HAAO: variants seen among roughly 807,000 people sequenced by gnomAD.
HAAO encodes the protein 3-hydroxyanthranilate 3,4-dioxygenase, also known as 3-hydroxyanthranilate oxygenase.
In HAAO, 49 loss-of-function variants were observed where a neutral mutation model predicts 46.2. The ratio of observed to expected loss-of-function variants is 1.06; its 90% CI spans 0.84 to 1.34. The LOEUF (loss-of-function observed/expected upper bound fraction) is 1.34, where lower values mean the gene tolerates loss of function less well. Among genes scored for constraint, HAAO ranks in the 40% most tolerant of loss-of-function variants. The pLI, the probability that HAAO is intolerant of heterozygous loss-of-function variation, is 0.00. For missense variants in HAAO, 408 were observed against 364.5 expected (o/e 1.12, Z -0.97); for synonymous variants, 157 against 145.2 (o/e 1.08, Z -0.58).
intron 4 of HAAO, among the ~76,000 whole-genome samples, chr2:42,775,440 A>T (rs1275626684): frequency 6.6e-6 from 1 of 152,152 alleles, no homozygotes; most frequent in African/African-American, 2.4e-5. Flanking sequence ...ATTTTTTTCC[A>T]GCTGAAATAC....
chr2:42,772,202 C>A (rs910949354), intron 4 of HAAO, among the ~76,000 whole-genome samples: 1 of 152,072 alleles, frequency 6.6e-6, no homozygotes, highest in African/African-American at 2.4e-5. Flanking sequence ...AATACTCGGC[C>A]GAATGTGGTG....
chr2:42,782,987 C>G (rs1286697869), intron 4 of HAAO: 1 of 438,682 alleles, frequency 2.3e-6, no homozygotes, highest in East Asian at 5.3e-5. Context: ...CTTGGCAAAA[C>G]AAACTTTTAA....
rs13413507 is a variant in HAAO, at chr2:42,769,679, G to A, written c.630+34C>T. 0.12 allele frequency: 191,220 copies of A among 1,568,890 alleles called. 12,465 individuals carry two copies. Among genetic ancestry groups the A allele is most frequent in the South Asian group, 0.16 (13,073 of 84,302 alleles). ...GTTCCCATTTTCCAGGGCTGCTGTGGGAGGATGCCCCGGATGCCCCAGGAC... is the reference window on the plus strand; with the variant it reads ...GTTCCCATTTTCCAGGGCTGCTGTGAGAGGATGCCCCGGATGCCCCAGGAC... On this transcript the variant is annotated intron_variant, in intron 7 of 9. Transcript: ENST00000294973.
intron 2 of HAAO, among the ~76,000 whole-genome samples, chr2:42,785,603 T>C (rs1672324109): frequency 6.6e-6 from 1 of 152,064 alleles, no homozygotes; most frequent in Admixed American, 6.5e-5. Flanking sequence ...TGTGGAGGCT[T>C]ATGCCTGTAA....
At chr2:42,779,243 C>CT (rs998727475) in intron 4 of HAAO, among the ~76,000 whole-genome samples, 9 of 152,102 alleles carry the variant, frequency 5.9e-5, no homozygotes, top group Non-Finnish European at 1.2e-4. Context: ...TAACTGACTC[C>CT]TAAATATAGG....
At chr2:42,770,272 C>A in intron 5 of HAAO, 86 bp from the exon 6 acceptor site, 1 of 1,132,694 alleles carries the variant, frequency 8.8e-7, no homozygotes, top group South Asian at 1.3e-5. Flanking sequence ...CACTCACGGT[C>A]AGGTGCAGGT....
intron 8 of HAAO, 36 bp from the exon 9 acceptor site, chr2:42,767,713 G>A (rs61747698): frequency 1.9e-4 from 302 of 1,555,446 alleles, no homozygotes; most frequent in South Asian, 3.3e-4. Context: ...AATGGAGACT[G>A]TTGGGCCTCA....
chr2:42,773,579 CCCT>C (rs1389305570), intron 4 of HAAO, among the ~76,000 whole-genome samples: 1 of 150,712 alleles, frequency 6.6e-6, no homozygotes, highest in African/African-American at 2.4e-5. Context: ...CAAACCTACC[CCCT>C]ATTTTTTTTT....
chr2:42,783,771 G>A lies in HAAO; in HGVS notation c.243+13C>T. The A allele has an allele frequency of 1.2e-6, 2 of 1,606,788 alleles. No homozygotes were observed. The highest frequency in any genetic ancestry group is 8.5e-7 in the Non-Finnish European group (1 of 1,175,744). On this transcript the variant is annotated intron_variant, in intron 3 of 9. Transcript: ENST00000294973. Reference sequence around the variant, plus strand: ...GCCTTTCTCTTCCCCACCCTGCTGGGATCCGGCCTCACCTCTCCCTGCCGA... The same window carrying A: ...GCCTTTCTCTTCCCCACCCTGCTGGAATCCGGCCTCACCTCTCCCTGCCGA...
intron 4 of HAAO, 89 bp downstream of exon 4, chr2:42,783,225 T>G: frequency 2.6e-6 from 2 of 761,814 alleles, no homozygotes; most frequent in South Asian, 1.6e-5. Flanking sequence ...CTTTCTTGAG[T>G]CTATCTAGGA....
At chr2:42,770,621 C>A in intron 4 of HAAO, 39 bp from the exon 5 acceptor site, 1 of 1,422,988 alleles carries the variant, frequency 7.0e-7, no homozygotes, top group Non-Finnish European at 9.6e-7. Context: ...CTGTCCCCAT[C>A]TGGGTGGCTT....
chr2:42,787,281 G>A (rs1037649623), intron 2 of HAAO, among the ~76,000 whole-genome samples: 44 of 152,154 alleles, frequency 2.9e-4, no homozygotes, highest in Admixed American at 2.9e-3. Context: ...AGCAGGGGGC[G>A]AGAAGGGAAG....
Position 42,783,299 on chromosome 2 carries a change from C to G in HAAO, c.350+15G>C. On this transcript the variant is annotated intron_variant, in intron 4 of 9. Coordinates refer to ENST00000294973, the MANE Select transcript of HAAO (RefSeq NM_012205.3). ...TTTGCCCTTTCTCTGCCCCAGCCCT[C>G]CAGACAGAATTTACCTGAGCCCATC... 1 of 1,523,690 alleles carries G rather than the reference C, an allele frequency of 6.6e-7. No individual in the cohort carries two copies. Among genetic ancestry groups the G allele is most frequent in the Non-Finnish European group, 9.1e-7 (1 of 1,101,132 alleles). The allele number at this position is 1,523,690 out of a possible 1,614,324, so 94.4% of individuals were successfully genotyped here.
chr2:42,775,683 C>G (rs1671510179), intron 4 of HAAO, among the ~76,000 whole-genome samples: 1 of 151,870 alleles, frequency 6.6e-6, no homozygotes, highest in Non-Finnish European at 1.5e-5. Context: ...TTCTCCTGCA[C>G]CCTCTGCTGC....
At chr2:42,780,315 C>G (rs1397372768) in intron 4 of HAAO, among the ~76,000 whole-genome samples, 1 of 151,272 alleles carries the variant, frequency 6.6e-6, no homozygotes, top group Non-Finnish European at 1.5e-5. Context: ...TCAAGTGATT[C>G]TCCTGCCTCA....
chr2:42,783,490 C>T, intron 3 of HAAO, 70 bp from the exon 4 acceptor site: 1 of 984,460 alleles, frequency 1.0e-6, no homozygotes, highest in Non-Finnish European at 1.6e-6. Context: ...CCCCCAACAT[C>T]CTGGGCATCC....
intron 1 of HAAO, among the ~76,000 whole-genome samples, chr2:42,791,663 A>G (rs1340974799): frequency 1.3e-5 from 2 of 152,182 alleles, no homozygotes; most frequent in Non-Finnish European, 2.9e-5. Context: ...AACACTTGGC[A>G]TAGTCCTGGG....
chr2:42,770,311 C>T, intron 5 of HAAO, 125 bp from the exon 6 acceptor site: 1 of 906,732 alleles, frequency 1.1e-6, no homozygotes, highest in South Asian at 1.5e-5. Context: ...GGCTCTCACA[C>T]AGCTGTGTGT....
rs151104443 is a variant in HAAO at position 42,788,344 on chromosome 2, C to G, written c.159+185G>C. On this transcript the variant is annotated intron_variant, in intron 2 of 9. Coordinates refer to ENST00000294973, the MANE Select transcript of HAAO (RefSeq NM_012205.3). ...GTGCTAGCTGTGGAGGCGTCACTGCCTGACCACCAGCTTGGAGGCAGCAGT... is the reference window on the plus strand; with the variant it reads ...GTGCTAGCTGTGGAGGCGTCACTGCGTGACCACCAGCTTGGAGGCAGCAGT... Among the ~76,000 whole-genome samples, 914 of 152,352 alleles carry G rather than the reference C, an allele frequency of 6.0e-3. 6 individuals carry two copies. The highest frequency in any genetic ancestry group is 9.3e-3 in the Non-Finnish European group (632 of 68,022).
Sources: gnomAD v4.1 joint callset for allele counts (sites outside exome capture counted in the v4.1 genomes callset) on GRCh38, gnomAD v4.1.1 for gene constraint, MANE v1.5 for transcripts, NCBI Gene and HGNC (gene_info 2026-07-23, HGNC 2026-07-21) for gene names.